Variants in ACSL1 observed in about 807,000 individuals in gnomAD.
ACSL1 encodes long-chain-fatty-acid--CoA ligase 1.
A neutral mutation model predicts 98.4 loss-of-function variants in ACSL1; 41 were observed. The ratio of observed to expected loss-of-function variants is 0.42; its 90% confidence interval spans 0.32 to 0.54. The LOEUF is 0.54. Among genes scored for constraint, ACSL1 ranks in the 20% least tolerant of loss-of-function variants. The pLI is 0.13. For synonymous variants in ACSL1, 316 were observed against 322.7 expected, an observed-to-expected ratio of 0.98 and a Z score of 0.22; for missense variants, 734 against 883.1, an observed-to-expected ratio of 0.83 and a Z score of 2.14.
chr4:184,790,290 T>C (rs1768126236), intron 2 of ACSL1, among the ~76,000 whole-genome samples: 1 of 152,230 alleles, frequency 6.6e-6, no homozygotes, highest in Admixed American at 6.5e-5. Context: ...TATATACTGT[T>C]TAAAAACATT....
intron 11 of ACSL1, among the ~76,000 whole-genome samples, chr4:184,769,336 T>C (rs1477018011): frequency 6.6e-6 from 1 of 152,040 alleles, no homozygotes; most frequent in Non-Finnish European, 1.5e-5. Flanking sequence ...TGGCAAGCCA[T>C]ATGGACCTGA....
chr4:184,800,732 C>T (rs1202092607), intron 2 of ACSL1, among the ~76,000 whole-genome samples: 1 of 152,226 alleles, frequency 6.6e-6, no homozygotes, highest in Non-Finnish European at 1.5e-5. Context: ...TCAGTCCGGG[C>T]TCCAACACTT....
At chr4:184,780,743 T>C (rs1018550968) in intron 4 of ACSL1, among the ~76,000 whole-genome samples, 1 of 152,214 alleles carries the variant, frequency 6.6e-6, no homozygotes, top group Non-Finnish European at 1.5e-5. Flanking sequence ...TTTAGTTTTA[T>C]ACAATTTTAA....
At chr4:184,787,417 GA>G (rs567150127) in intron 3 of ACSL1, among the ~76,000 whole-genome samples, 481 of 152,316 alleles carry the variant, frequency 3.2e-3, no homozygotes, top group Middle Eastern at 0.014. Flanking sequence ...TGCTGGGAGG[GA>G]AAAGGGAAGA....
intron 18 of ACSL1, chr4:184,758,201 T>C (rs764376977): frequency 5.7e-5 from 20 of 351,282 alleles, no homozygotes; most frequent in Non-Finnish European, 7.7e-5. Flanking sequence ...TACTTTTATA[T>C]ACTTATTTTT....
rs565226509 is a variant in ACSL1 at position 184,779,136 on chromosome 4, T to C, written c.477+1196A>G. 3.9e-5 allele frequency among the ~76,000 whole-genome samples: 6 copies of C among 152,352 alleles called. No individual in the cohort carries two copies. In the East Asian group the frequency reaches 5.8e-4, roughly 15 times the overall value. ...GCTCATTTAAACTCAGTTTCTGATA[T>C]GTTTTGGCTGTGTCCCCACCCAAAT... On this transcript the variant is annotated intron_variant, in intron 5 of 20. Transcript: ENST00000281455.
At chr4:184,758,106 A>C (rs745910512) in intron 18 of ACSL1, 186 bp from the exon 19 acceptor site, 66 of 565,710 alleles carry the variant, frequency 1.2e-4, no homozygotes, top group Non-Finnish European at 1.9e-4. Context: ...CTGGCTCTAA[A>C]ATGTGGTAAG....
chr4:184,808,042 C>T (rs901774662), intron 1 of ACSL1, among the ~76,000 whole-genome samples: 1 of 152,166 alleles, frequency 6.6e-6, no homozygotes, highest in African/African-American at 2.4e-5. Flanking sequence ...TCCTGAGGTC[C>T]ACCTAAATGC....
At chr4:184,784,062 A>G in intron 3 of ACSL1, 71 bp from the exon 4 acceptor site, 1 of 1,267,186 alleles carries the variant, frequency 7.9e-7, no homozygotes, top group Non-Finnish European at 1.1e-6. Flanking sequence ...TTTGTATCCC[A>G]ACCGCACTCT....
intron 1 of ACSL1, among the ~76,000 whole-genome samples, chr4:184,823,633 A>T (rs1269516645): frequency 6.6e-6 from 1 of 152,238 alleles, no homozygotes; most frequent in Non-Finnish European, 1.5e-5. Flanking sequence ...TCCACAAAAC[A>T]GTTACATCAA....
chr4:184,767,865 T>C (rs1763864032), intron 12 of ACSL1, among the ~76,000 whole-genome samples: 1 of 152,210 alleles, frequency 6.6e-6, no homozygotes, highest in Non-Finnish European at 1.5e-5. Flanking sequence ...GCTTAGTCAC[T>C]TCTTTCAGTG....
At chr4:184,781,572 C>A (rs1352371956) in intron 4 of ACSL1, among the ~76,000 whole-genome samples, 1 of 152,000 alleles carries the variant, frequency 6.6e-6, no homozygotes, top group Non-Finnish European at 1.5e-5. Context: ...TTAAACTTTG[C>A]AGTTATTTTC....
chr4:184,789,641 A>C (rs1027375002), intron 2 of ACSL1, among the ~76,000 whole-genome samples: 13 of 152,242 alleles, frequency 8.5e-5, no homozygotes, highest in African/African-American at 3.1e-4. Flanking sequence ...AGTCGTCTTC[A>C]TCTGTTAGCT....
intron 10 of ACSL1, among the ~76,000 whole-genome samples, chr4:184,771,570 CT>C (rs1301794723): frequency 1.3e-5 from 2 of 152,170 alleles, no homozygotes; most frequent in Non-Finnish European, 2.9e-5. Context: ...GTTTGGACAT[CT>C]GGTTTCCCTC....
chr4:184,811,275 ATT>A (rs371577009), intron 1 of ACSL1, among the ~76,000 whole-genome samples: 1 of 149,060 alleles, frequency 6.7e-6, no homozygotes, highest in African/African-American at 2.5e-5. Context: ...CGCCTGGCTA[ATT>A]TTTTTTTTGT....
At chr4:184,778,654 G>A (rs1008913800) in intron 5 of ACSL1, among the ~76,000 whole-genome samples, 8 of 152,174 alleles carry the variant, frequency 5.3e-5, no homozygotes, top group African/African-American at 1.9e-4. Flanking sequence ...TGGTACCTCA[G>A]GAAGAGAGGC....
chr4:184,813,609 A>G (rs1378429559), intron 1 of ACSL1: 9 of 293,860 alleles, frequency 3.1e-5, no homozygotes, highest in Middle Eastern at 8.7e-4. Context: ...GCATGTTCTA[A>G]GGGTATTAGG....
chr4:184,770,784 A>G (rs947949250), intron 10 of ACSL1, among the ~76,000 whole-genome samples: 2 of 152,204 alleles, frequency 1.3e-5, no homozygotes, highest in African/African-American at 2.4e-5. Context: ...AACACTGAGG[A>G]GAAACGGCTT....
intron 1 of ACSL1, among the ~76,000 whole-genome samples, chr4:184,820,512 A>G (rs1772982669): frequency 6.6e-6 from 1 of 152,222 alleles, no homozygotes; most frequent in South Asian, 2.1e-4. Flanking sequence ...GGCAGAGTGT[A>G]AATGAGATGG....
Sources: allele counts gnomAD v4.1 joint callset (sites outside exome capture counted in the v4.1 genomes callset), GRCh38; gene constraint gnomAD v4.1.1; transcripts MANE v1.5; gene names NCBI Gene and HGNC (gene_info 2026-07-23, HGNC 2026-07-21).